The following NBEA variants were observed in gnomAD, a reference collection of about 807,000 sequenced individuals.
The protein encoded by NBEA is neurobeachin, also known as lysosomal-trafficking regulator 2.
A neutral mutation model predicts 343.4 loss-of-function variants in NBEA; 44 were observed. The ratio of observed to expected loss-of-function variants is 0.13; its 90% CI spans 0.10 to 0.16. The LOEUF is 0.16. Among genes scored for constraint, NBEA ranks in the 10% least tolerant of loss-of-function variants. The pLI is 1.00. For missense variants in NBEA, 2,555 were observed against 3,631.3 expected, an observed-to-expected ratio of 0.70 and a Z score of 7.62; for synonymous variants, 1,175 against 1,238.7, an observed-to-expected ratio of 0.95 and a Z score of 1.08.
chr13:35,082,360 T>G (rs1329798884), intron 10 of NBEA, among the ~76,000 whole-genome samples: 1 of 152,202 alleles, frequency 6.6e-6, no homozygotes, highest in Non-Finnish European at 1.5e-5. Context: ...CTATTGTGAA[T>G]AGTGCCTCAA....
intron 44 of NBEA, among the ~76,000 whole-genome samples, chr13:35,562,962 G>GT (rs890795588): frequency 3.3e-5 from 5 of 151,886 alleles, no homozygotes; most frequent in Admixed American, 6.6e-5. Context: ...TAATTAAAAA[G>GT]TTTTTTTAAT....
intron 34 of NBEA, among the ~76,000 whole-genome samples, chr13:35,287,853 T>A (rs1280548825): frequency 6.6e-6 from 1 of 151,898 alleles, no homozygotes; most frequent in East Asian, 1.9e-4. Context: ...GTCTCTTCAA[T>A]TTTTATGTAT....
Position 35,596,078 on chromosome 13 carries a change from A to ATGTGTG in NBEA, c.7296+2636_7296+2641dup, listed in dbSNP as rs1400377304. Reference sequence around the variant, plus strand: ...TCTTAGCTTTGTTATGGTTCGTTTAATGTGTGTGTGCGTGTGCGTGTGTGT... The same window carrying ATGTGTG: ...TCTTAGCTTTGTTATGGTTCGTTTAATGTGTGTGTGTGTGTGCGTGTGCGTGTGTGT... On this transcript the variant is annotated intron_variant, in intron 47 of 58. Transcript: ENST00000379939. Among the ~76,000 whole-genome samples, 3 of 151,290 alleles carry ATGTGTG rather than the reference A, an allele frequency of 2.0e-5. No homozygotes were observed. In the Admixed American group the frequency reaches 2.0e-4, roughly 10 times the overall value.
At chr13:35,188,906 G>GTTTTTTTTTTTTTT (rs571102808) in intron 30 of NBEA, among the ~76,000 whole-genome samples, 3 of 109,758 alleles carry the variant, frequency 2.7e-5, no homozygotes, top group African/African-American at 6.7e-5. Context: ...TTTACTTTTT[G>GTTTTTTTTTTTTTT]TTTTTTTTTT....
intron 1 of NBEA, among the ~76,000 whole-genome samples, chr13:34,984,364 G>A (rs2060471544): frequency 6.6e-6 from 1 of 152,114 alleles, no homozygotes; most frequent in Admixed American, 6.6e-5. Flanking sequence ...TAGATGTGTG[G>A]TGTTATTTCT....
At chr13:35,291,586 G>T (rs2035803258) in intron 35 of NBEA, among the ~76,000 whole-genome samples, 1 of 151,882 alleles carries the variant, frequency 6.6e-6, no homozygotes, top group Admixed American at 6.6e-5. Flanking sequence ...GAGTTCGAGA[G>T]ACTATCTGGA....
At chr13:35,664,014 C>T (rs545756985) in intron 55 of NBEA, among the ~76,000 whole-genome samples, 9 of 152,250 alleles carry the variant, frequency 5.9e-5, no homozygotes, top group African/African-American at 1.7e-4. Flanking sequence ...GGAAGGGGCT[C>T]TTGGCCGACC....
intron 38 of NBEA, among the ~76,000 whole-genome samples, chr13:35,421,664 A>C (rs1002847183): frequency 2.6e-5 from 4 of 151,964 alleles, no homozygotes; most frequent in African/African-American, 9.7e-5. Flanking sequence ...TACTTCTCTC[A>C]TGTTTACAGG....
At chr13:35,423,842 G>C (rs1267029632) in intron 38 of NBEA, among the ~76,000 whole-genome samples, 1 of 152,082 alleles carries the variant, frequency 6.6e-6, no homozygotes, top group Non-Finnish European at 1.5e-5. Flanking sequence ...GTGGTTTGTA[G>C]TTCTCCTTGA....
chr13:35,036,068 GTT>G (rs765107551), intron 1 of NBEA, among the ~76,000 whole-genome samples: 2 of 151,922 alleles, frequency 1.3e-5, no homozygotes, highest in Non-Finnish European at 2.9e-5. Context: ...TTTTCTGGTT[GTT>G]TTGTGGTCTT....
chr13:35,257,129 A>T (rs1478343755), intron 34 of NBEA, among the ~76,000 whole-genome samples: 1 of 152,242 alleles, frequency 6.6e-6, no homozygotes, highest in African/African-American at 2.4e-5. Flanking sequence ...AAGGAAGTGG[A>T]TAGAGTATTA....
chr13:35,351,801 T>G (rs982224389), intron 37 of NBEA, among the ~76,000 whole-genome samples: 3 of 152,028 alleles, frequency 2.0e-5, no homozygotes, highest in Admixed American at 1.3e-4. Flanking sequence ...ATCAGGAACA[T>G]ACCTCTTATT....
At chr13:35,479,322 G>A (rs1008414602) in intron 41 of NBEA, among the ~76,000 whole-genome samples, 3 of 152,154 alleles carry the variant, frequency 2.0e-5, no homozygotes, top group African/African-American at 7.2e-5. Flanking sequence ...ATACTCTAGT[G>A]CAAGTACTGC....
Position 35,182,537 on chromosome 13 carries a change from C to T in NBEA, c.4831+9C>T. 2 of 1,597,126 alleles carry T rather than the reference C, an allele frequency of 1.3e-6. No individual in the cohort carries two copies. Among genetic ancestry groups the T allele is most frequent in the South Asian group, 1.1e-5 (1 of 88,402 alleles). On this transcript the variant is annotated intron_variant, in intron 29 of 58. Coordinates refer to ENST00000379939, the MANE Select transcript of NBEA (RefSeq NM_001385012.1). ...TTCACCAACAAGTACAGGTACTTAACATTGTATAATTATTTGAATTTTCAC... is the reference window on the plus strand; with the variant it reads ...TTCACCAACAAGTACAGGTACTTAATATTGTATAATTATTTGAATTTTCAC...
intron 10 of NBEA, among the ~76,000 whole-genome samples, chr13:35,087,050 C>T (rs1013928025): frequency 4.0e-5 from 6 of 151,348 alleles, no homozygotes; most frequent in Non-Finnish European, 8.9e-5. Context: ...ATATTAGTCT[C>T]TTGTAGGATG....
At chr13:34,971,161 G>A (rs2059985966) in intron 1 of NBEA, among the ~76,000 whole-genome samples, 1 of 151,922 alleles carries the variant, frequency 6.6e-6, no homozygotes, top group Non-Finnish European at 1.5e-5. Context: ...TTTGTTTGTG[G>A]TTTGGCTCTC....
intron 44 of NBEA, among the ~76,000 whole-genome samples, chr13:35,563,826 AT>A (rs1293475781): frequency 6.6e-6 from 1 of 151,470 alleles, no homozygotes; most frequent in Non-Finnish European, 1.5e-5. Flanking sequence ...GTGTGTGTGT[AT>A]TTTTAAATAA....
intron 36 of NBEA, among the ~76,000 whole-genome samples, chr13:35,320,939 G>A (rs190609329): frequency 5.9e-4 from 89 of 151,990 alleles, no homozygotes; most frequent in African/African-American, 2.1e-3. Context: ...TTTCAGCTGT[G>A]TCAGGTCATT....
At chr13:35,642,282 T>C (rs1352323607) in intron 49 of NBEA, among the ~76,000 whole-genome samples, 1 of 152,222 alleles carries the variant, frequency 6.6e-6, no homozygotes, top group African/African-American at 2.4e-5. Flanking sequence ...AAAATCATAA[T>C]GTGTCTTACA....
Sources: gnomAD v4.1 joint callset for allele counts (sites outside exome capture counted in the v4.1 genomes callset) on GRCh38, gnomAD v4.1.1 for gene constraint, MANE v1.5 for transcripts, NCBI Gene and HGNC (gene_info 2026-07-23, HGNC 2026-07-21) for gene names.